Variants in CPA4 observed in about 807,000 individuals in gnomAD.
CPA4 encodes the protein carboxypeptidase A3.
In CPA4, 49 loss-of-function variants were observed where a neutral mutation model predicts 54.7. The observed-to-expected ratio is 0.90, with a 90% CI of 0.71 to 1.14. The LOEUF is 1.14. Among genes scored for constraint, CPA4 ranks in the 50% most tolerant of loss-of-function variants. CPA4 has a pLI of 0.00. For synonymous variants in CPA4, 215 were observed against 206.8 expected (o/e 1.04, Z -0.34); for missense variants, 487 against 525.1 (o/e 0.93, Z 0.71).
intron 4 of CPA4, among the ~76,000 whole-genome samples, chr7:130,302,844 T>C (rs1793760812): frequency 6.6e-6 from 1 of 152,134 alleles, no homozygotes; most frequent in Non-Finnish European, 1.5e-5. Context: ...TGCTGGGTCC[T>C]ATGGCTCTCC....
chr7:130,301,390 A>C (rs1305175824), intron 4 of CPA4, among the ~76,000 whole-genome samples: 1 of 152,210 alleles, frequency 6.6e-6, no homozygotes, highest in African/African-American at 2.4e-5. Flanking sequence ...TTTAGCTAGA[A>C]ACCACTTGAT....
chr7:130,310,231 C>G lies in CPA4; in HGVS notation c.794-556C>G, dbSNP rs76770630. 3.3e-3 allele frequency among the ~76,000 whole-genome samples: 488 copies of G among 150,120 alleles called. 18 individuals carry two copies. The East Asian group carries it at 0.073, about 22-fold the overall frequency. On this transcript the variant is annotated intron_variant, in intron 8 of 10. Transcript: ENST00000222482. This position sits in a 1 kb window ranked among gnomAD's most constrained non-coding sequence, Gnocchi z 4.3. ...CCACTGGGGTGGTTTCAGTCACATT[C>G]ATACACACACACACGCACACACACA...
chr7:130,320,825 AGTGTGAAG>A (rs1794082258), intron 10 of CPA4, among the ~76,000 whole-genome samples: 1 of 152,226 alleles, frequency 6.6e-6, no homozygotes, highest in Admixed American at 6.5e-5. Flanking sequence ...GTAGATCATA[AGTGTGAAG>A]TGTCTGATAT....
At chr7:130,305,189 T>A (rs1793800897) in intron 5 of CPA4, among the ~76,000 whole-genome samples, 1 of 152,192 alleles carries the variant, frequency 6.6e-6, no homozygotes, top group Non-Finnish European at 1.5e-5. Flanking sequence ...CTCAGCTTCG[T>A]ATAAGTCCCA....
intron 10 of CPA4, among the ~76,000 whole-genome samples, chr7:130,315,941 G>A (rs1793981190): frequency 6.6e-6 from 1 of 152,136 alleles, no homozygotes; most frequent in Non-Finnish European, 1.5e-5. Context: ...GGAAGAGATT[G>A]TGAATATCTC....
At chr7:130,306,015 T>C (rs1584748885) in intron 6 of CPA4, 95 bp downstream of exon 6, 1 of 1,010,516 alleles carries the variant, frequency 9.9e-7, no homozygotes, top group East Asian at 2.4e-5. Flanking sequence ...GGTGGGAGGG[T>C]TCTCTACTAA....
chr7:130,303,107 A>G (rs1361464572), intron 4 of CPA4, among the ~76,000 whole-genome samples: 2 of 152,184 alleles, frequency 1.3e-5, no homozygotes, highest in African/African-American at 4.8e-5. Flanking sequence ...AAACCCTTTA[A>G]GCTTGACTTT....
chr7:130,313,510 T>A (rs1793943685), intron 10 of CPA4, among the ~76,000 whole-genome samples: 1 of 151,774 alleles, frequency 6.6e-6, no homozygotes, highest in Non-Finnish European at 1.5e-5. Flanking sequence ...AGCTGAGGAG[T>A]CTAGTTGGTC....
At chr7:130,316,082 T>G (rs530021979) in intron 10 of CPA4, among the ~76,000 whole-genome samples, 2 of 152,226 alleles carry the variant, frequency 1.3e-5, no homozygotes, top group East Asian at 1.9e-4. Flanking sequence ...AGGGGATATG[T>G]TGTATGAGGG....
chr7:130,310,816 G>C lies in CPA4; in HGVS notation c.823G>C (p.Glu275Gln). The change falls in exon 9 of 11, where the codon GAA becomes CAA. Residue 275 changes from glutamate (E) to glutamine (Q), a missense_variant. Coordinates refer to ENST00000222482, the MANE Select transcript of CPA4 (RefSeq NM_016352.4). The surrounding 1 kb of genome is among the most constrained non-coding windows in gnomAD (Gnocchi z 4.3). ...GGGAGCCAGCGACAACCCTTGCTCC[G>C]AAGTGTACCATGGACCCCACGCCAA... The part of the protein sequence containing the change: ...GKGASDNPCS[E>Q]VYHGPHANSE... 2 of 1,614,204 alleles carry C rather than the reference G, an allele frequency of 1.2e-6. No homozygotes were observed. The highest frequency in any genetic ancestry group is 2.2e-5 in the South Asian group (2 of 91,084).
rs141914874 is a variant in CPA4 at position 130,309,682 on chromosome 7, C to G, written c.794-1105C>G. Among the ~76,000 whole-genome samples, 332 of 152,314 alleles carry G rather than the reference C, an allele frequency of 2.2e-3. 1 individual carries two copies. The highest frequency in any genetic ancestry group is 7.5e-3 in the African/African-American group (310 of 41,566). Reference sequence around the variant, plus strand: ...ACAATCTCAAGATGACATGGGTGAACAGAGTTCTGATCTAAACTCAGCTTC... The same window carrying G: ...ACAATCTCAAGATGACATGGGTGAAGAGAGTTCTGATCTAAACTCAGCTTC... On this transcript the variant is annotated intron_variant, in intron 8 of 10. Transcript: ENST00000222482.
intron 10 of CPA4, among the ~76,000 whole-genome samples, chr7:130,312,552 G>C (rs2012315): frequency 0.9 from 136,860 of 152,214 alleles, 61,636 homozygotes; most frequent in East Asian, 0.99. Flanking sequence ...TTGAATCATG[G>C]GGGCAGGTCT....
At chr7:130,306,423 G>A (rs904798676) in intron 6 of CPA4, 1 of 240,538 alleles carries the variant, frequency 4.2e-6, no homozygotes. Flanking sequence ...GGGGAGGAGG[G>A]GTGCATGTGG....
Position 130,293,178 on chromosome 7 carries a change from G to C in CPA4, c.-3G>C. 1.2e-6 allele frequency: 2 copies of C among 1,605,304 alleles called. No homozygotes were observed. The highest frequency in any genetic ancestry group is 1.1e-5 in the South Asian group (1 of 90,896). On this transcript the variant is annotated 5_prime_UTR_variant, in exon 1 of 11. Transcript: ENST00000222482. ...GCCACTGTATGACTGACTCCCCGGG[G>C]ACATGAGGTGGATACTGTTCATTGG...
intron 1 of CPA4, among the ~76,000 whole-genome samples, chr7:130,295,988 A>G (rs1793642817): frequency 6.6e-6 from 1 of 152,186 alleles, no homozygotes; most frequent in African/African-American, 2.4e-5. Context: ...TCCATCTGAA[A>G]AAAAAGGATA....
intron 8 of CPA4, among the ~76,000 whole-genome samples, chr7:130,309,920 A>G (rs1793885511): frequency 6.6e-6 from 1 of 152,020 alleles, no homozygotes; most frequent in South Asian, 2.1e-4. Flanking sequence ...CGCATGCCAC[A>G]ATGCCGAGCT....
chr7:130,321,322 TC>T (rs1365402628), intron 10 of CPA4, among the ~76,000 whole-genome samples: 2 of 152,080 alleles, frequency 1.3e-5, no homozygotes, highest in Non-Finnish European at 2.9e-5. Flanking sequence ...CAAAGGTAAG[TC>T]CCAAGGGCTG....
rs137902837 is a variant in CPA4, at chr7:130,301,209, C to T, written c.384+295C>T. 9.5e-3 allele frequency among the ~76,000 whole-genome samples: 1,444 copies of T among 152,302 alleles called. 18 individuals carry two copies. Among genetic ancestry groups the T allele is most frequent in the Non-Finnish European group, 0.016 (1,106 of 68,018 alleles). ...ATCATTTCTAGTCCTTGTAATTCAA[C>T]CTTCTTCTACCCTACCATAATCCCT... On this transcript the variant is annotated intron_variant, in intron 4 of 10. Coordinates refer to ENST00000222482, the MANE Select transcript of CPA4 (RefSeq NM_016352.4).
At chr7:130,304,611 G>C in intron 5 of CPA4, 32 bp downstream of exon 5, 1 of 1,299,078 alleles carries the variant, frequency 7.7e-7, no homozygotes, top group Non-Finnish European at 1.1e-6. Flanking sequence ...AGGGTCTCCT[G>C]GGTCCTCATG....
Sources: allele counts gnomAD v4.1 joint callset (sites outside exome capture counted in the v4.1 genomes callset), GRCh38; gene constraint gnomAD v4.1.1; non-coding constraint Gnocchi (gnomAD v3.1); transcripts MANE v1.5; gene names NCBI Gene and HGNC (gene_info 2026-07-23, HGNC 2026-07-21).